The following USH2A variants were observed in gnomAD, a reference collection of about 807,000 sequenced individuals.
USH2A encodes the protein usherin, also known as Usher syndrome 2A (autosomal recessive, mild).
Under a neutral mutation model 538.9 loss-of-function variants are expected in USH2A, and 443 were observed. That is an observed-to-expected ratio of 0.82 (90% CI 0.76 to 0.89). USH2A has a LOEUF of 0.89. Among genes scored for constraint, USH2A ranks in the 40% least tolerant of loss-of-function variants. The pLI, the probability that USH2A is intolerant of heterozygous loss-of-function variation, is 0.00. For synonymous variants in USH2A, 2,413 were observed against 2,273.5 expected (o/e 1.06, Z -1.75); for missense variants, 6,633 against 6,324.8 (o/e 1.05, Z -1.65).
At chr1:216,182,508 G>A (rs962057435) in intron 20 of USH2A, among the ~76,000 whole-genome samples, 1 of 151,918 alleles carries the variant, frequency 6.6e-6, no homozygotes, top group African/African-American at 2.4e-5. Context: ...CCTTTTCCTT[G>A]GATACAACTA....
At chr1:216,323,133 T>C (rs1216934599) in intron 8 of USH2A, among the ~76,000 whole-genome samples, 2 of 151,778 alleles carry the variant, frequency 1.3e-5, no homozygotes, top group African/African-American at 4.8e-5. Flanking sequence ...ATTTGAAAAT[T>C]ATATTCCAGA....
chr1:216,057,016 T>G (rs995655148), intron 30 of USH2A, among the ~76,000 whole-genome samples: 1 of 152,236 alleles, frequency 6.6e-6, no homozygotes, highest in Non-Finnish European at 1.5e-5. Context: ...GCCTAGTTGA[T>G]TATCACTGTA....
intron 4 of USH2A, among the ~76,000 whole-genome samples, chr1:216,345,753 C>T (rs191549000): frequency 2.3e-4 from 35 of 152,226 alleles, no homozygotes; most frequent in Admixed American, 1.4e-3. Context: ...CTGTTCAAGA[C>T]GGCCCAGCAA....
intron 71 of USH2A, among the ~76,000 whole-genome samples, chr1:215,626,886 T>C (rs1276453984): frequency 6.6e-6 from 1 of 152,244 alleles, no homozygotes; most frequent in African/African-American, 2.4e-5. Flanking sequence ...CAATGTATTA[T>C]GTTGAATGTA....
At chr1:216,005,323 T>C (rs1285919321) in intron 32 of USH2A, among the ~76,000 whole-genome samples, 1 of 152,164 alleles carries the variant, frequency 6.6e-6, no homozygotes, top group African/African-American at 2.4e-5. Flanking sequence ...CAGGTTCTTG[T>C]TATATCACCT....
chr1:216,289,714 A>G (rs1045061430), intron 10 of USH2A, among the ~76,000 whole-genome samples: 77 of 152,264 alleles, frequency 5.1e-4, no homozygotes, highest in African/African-American at 1.8e-3. Context: ...AAAACTTTAT[A>G]TCTGGGGCCA....
At chr1:215,719,852 A>C (rs1659601466) in intron 61 of USH2A, among the ~76,000 whole-genome samples, 1 of 152,186 alleles carries the variant, frequency 6.6e-6, no homozygotes, top group Non-Finnish European at 1.5e-5. Context: ...TGTTGTCTTC[A>C]AGTGGAAGGA....
chr1:216,221,195 C>G (rs1424605872), intron 14 of USH2A, among the ~76,000 whole-genome samples: 2 of 152,118 alleles, frequency 1.3e-5, no homozygotes, highest in South Asian at 4.1e-4. Context: ...CAAGTTAGCT[C>G]TTTTGAGCCC....
At chr1:216,008,501 C>T (rs1219057401) in intron 32 of USH2A, among the ~76,000 whole-genome samples, 5 of 152,150 alleles carry the variant, frequency 3.3e-5, no homozygotes, top group South Asian at 2.1e-4. Flanking sequence ...AATAAACAGC[C>T]ATGTTGCTCA....
At chr1:215,699,400 A>T (rs1658929560) in intron 61 of USH2A, among the ~76,000 whole-genome samples, 1 of 152,180 alleles carries the variant, frequency 6.6e-6, no homozygotes. Context: ...TCTATAAATT[A>T]CTTTGGGCAG....
chr1:215,915,628 G>C (rs1665933813), intron 38 of USH2A, among the ~76,000 whole-genome samples: 1 of 152,048 alleles, frequency 6.6e-6, no homozygotes, highest in South Asian at 2.1e-4. Context: ...AGTCAGTGTG[G>C]TGATTCCTCA....
chr1:216,073,035 G>T lies in USH2A; in HGVS notation c.5776+62C>A, dbSNP rs2031611986. 4 of 1,612,392 alleles carry T rather than the reference G, an allele frequency of 2.5e-6. No homozygotes were observed. In the South Asian group the frequency reaches 3.3e-5, roughly 13 times the overall value. On this transcript the variant is annotated intron_variant, in intron 28 of 71. Coordinates refer to ENST00000307340, the MANE Select transcript of USH2A (RefSeq NM_206933.4). ...CATATAGATTAATGAGGGGCTGGCA[G>T]GGAGGGAAAGGGGGATGAATAAGAG...
At position 215,759,857 on chromosome 1, in the gene USH2A, C is replaced by T. The variant is rs373194647; in HGVS notation, c.11048-14G>A. 53 of 1,613,662 alleles carry T rather than the reference C, an allele frequency of 3.3e-5. No homozygotes were observed. The African/African-American group carries it at 3.6e-4, about 11-fold the overall frequency. Reference sequence around the variant, plus strand: ...TCACCCAAACTCCTGGCAAGAATAACGCAATGAGGTTTTATTGTTAGGAGA... The same window carrying T: ...TCACCCAAACTCCTGGCAAGAATAATGCAATGAGGTTTTATTGTTAGGAGA... On this transcript the variant is annotated splice_polypyrimidine_tract_variant and intron_variant, in intron 56 of 71. Transcript: ENST00000307340.
At chr1:216,016,369 AAAAAG>A (rs1041598489) in intron 32 of USH2A, among the ~76,000 whole-genome samples, 2 of 152,198 alleles carry the variant, frequency 1.3e-5, no homozygotes, top group Non-Finnish European at 2.9e-5. Context: ...AAACAAAAAC[AAAAAG>A]AAAAGAAATC....
chr1:215,844,248 AT>A (rs1558123963), intron 46 of USH2A, 45 bp downstream of exon 46: 1 of 1,587,706 alleles, frequency 6.3e-7, no homozygotes. Flanking sequence ...GGCATGTTTT[AT>A]TTAACATATC....
chr1:215,798,168 AC>A (rs1662198806), intron 50 of USH2A, among the ~76,000 whole-genome samples: 3 of 152,150 alleles, frequency 2.0e-5, no homozygotes, highest in Admixed American at 2.0e-4. Context: ...CAATCATAAA[AC>A]TAACAGATGA....
At chr1:216,082,113 A>AC (rs1008859553) in intron 26 of USH2A, among the ~76,000 whole-genome samples, 8 of 152,116 alleles carry the variant, frequency 5.3e-5, no homozygotes, top group African/African-American at 1.7e-4. Context: ...AGATGACTCA[A>AC]CGATGCTCAG....
In USH2A at chr1:216,217,483, A is replaced by C; in HGVS notation, c.3061T>G (p.Cys1021Gly). 6.2e-7 allele frequency: 1 copy of C among 1,613,328 alleles called. No homozygotes were observed. The highest frequency in any genetic ancestry group is 8.5e-7 in the Non-Finnish European group (1 of 1,179,504). Residue 1021 changes from cysteine (C) to glycine (G), a missense_variant, in exon 15 of 72, where the codon TGT (cysteine) becomes GGT (glycine). By Grantham distance (159) the Cys-to-Gly change is radical (BLOSUM62 -3). Coordinates refer to ENST00000307340, the MANE Select transcript of USH2A (RefSeq NM_206933.4). ...CCAGTGACAAATTGTTTACAGAAAC[A>C]CTGGCCTGTGACCAAGTGACAGGTT... Reference protein sequence around the residue: ...NETCHLVTGQCFCKQFVTGSK... With the variant: ...NETCHLVTGQGFCKQFVTGSK...
intron 50 of USH2A, among the ~76,000 whole-genome samples, chr1:215,794,000 G>GA (rs1178409821): frequency 1.3e-5 from 2 of 151,814 alleles, no homozygotes; most frequent in Non-Finnish European, 1.5e-5. Flanking sequence ...CAAACACTAA[G>GA]AAAAAAATGA....
Sources: gnomAD v4.1 joint callset for allele counts (sites outside exome capture counted in the v4.1 genomes callset) on GRCh38, gnomAD v4.1.1 for gene constraint, MANE v1.5 for transcripts, NCBI Gene and HGNC (gene_info 2026-07-23, HGNC 2026-07-21) for gene names.